Variants in BBS7 observed in about 807,000 individuals in gnomAD.
BBS7 encodes Bardet-Biedl syndrome 7, also known as BBSome complex member BBS7.
A neutral mutation model predicts 90.3 loss-of-function variants in BBS7; 50 were observed. The ratio of observed to expected loss-of-function variants is 0.55; its 90% CI spans 0.44 to 0.70. The LOEUF is 0.70. BBS7 is among the 30% of genes least tolerant of loss of function. The pLI, the probability that BBS7 is intolerant of heterozygous loss-of-function variation, is 0.00. For missense variants in BBS7, 729 were observed against 838.9 expected, an observed-to-expected ratio of 0.87 and a Z score of 1.62; for synonymous variants, 235 against 287.4, an observed-to-expected ratio of 0.82 and a Z score of 1.85.
intron 13 of BBS7, among the ~76,000 whole-genome samples, chr4:121,835,705 T>A (rs1234962357): frequency 2.0e-5 from 3 of 152,276 alleles, no homozygotes; most frequent in Non-Finnish European, 2.9e-5. Flanking sequence ...TAAACTTATA[T>A]TTTGGTGTTG....
Position 121,835,137 on chromosome 4 carries a change from G to A in BBS7, c.1511+7C>T. On this transcript the variant is annotated splice_region_variant and intron_variant, in intron 14 of 18. Transcript: ENST00000264499. ...CTAAAAAGAATTTGCTCTTTCCTTT[G>A]TCCTACCTGTCATGATCAATAAAGT... The A allele has an allele frequency of 1.9e-6, 3 of 1,613,554 alleles. No homozygotes were observed. The highest frequency in any genetic ancestry group is 2.5e-6 in the Non-Finnish European group (3 of 1,179,640).
chr4:121,848,662 A>G (rs1287256937), intron 9 of BBS7, among the ~76,000 whole-genome samples, 182 bp downstream of exon 9: 2 of 152,242 alleles, frequency 1.3e-5, no homozygotes, highest in Admixed American at 1.3e-4. Context: ...AATATAATAT[A>G]TATAGAGTTC....
chr4:121,870,422 G>A lies in BBS7; in HGVS notation c.-109C>T, dbSNP rs989340225. 3 of 1,290,714 alleles carry A rather than the reference G, an allele frequency of 2.3e-6. No homozygotes were observed. Among genetic ancestry groups the A allele is most frequent in the Non-Finnish European group, 2.2e-6 (2 of 899,266 alleles). 80.0% of individuals were successfully genotyped at this position (1,290,714 alleles called of 1,614,324 possible). A position where few individuals can be genotyped will look rare whatever the true frequency, so the allele number is the denominator to read the frequency against. On this transcript the variant is annotated 5_prime_UTR_variant, in exon 1 of 19. Coordinates refer to ENST00000264499, the MANE Select transcript of BBS7 (RefSeq NM_176824.3). ...AGAAGGCTGCCCGCGCCCCTCAAAA[G>A]CCAGCCCCAGCTACCGCGCCTAGGT...
At chr4:121,828,775 T>A (rs1279297250) in intron 15 of BBS7, 47 bp from the exon 16 acceptor site, 25 of 1,104,332 alleles carry the variant, frequency 2.3e-5, no homozygotes, top group Non-Finnish European at 3.3e-5. Flanking sequence ...AGAAGGAAAT[T>A]GTCCAGTACA....
intron 15 of BBS7, among the ~76,000 whole-genome samples, chr4:121,829,078 A>G (rs544794047): frequency 1.3e-5 from 2 of 152,284 alleles, no homozygotes; most frequent in East Asian, 1.9e-4. Context: ...GCTTACTTAC[A>G]TAAGTATGTT....
chr4:121,861,679 C>A lies in BBS7; in HGVS notation c.166G>T (p.Ala56Ser), dbSNP rs1407094427. The A allele has an allele frequency of 1.2e-6, 2 of 1,613,018 alleles. No individual in the cohort carries two copies. Among genetic ancestry groups the A allele is most frequent in the South Asian group, 2.2e-5 (2 of 91,042 alleles). ...CFGMKKGEAA[A>S]VFKTLPGPKI... ...GGCCCGGGTAAAGTCTTGAACACTGCCTGAAAAAAATCATTCAGGAAAAAA... is the reference window on the plus strand; with the variant it reads ...GGCCCGGGTAAAGTCTTGAACACTGACTGAAAAAAATCATTCAGGAAAAAA... Residue 56 changes from alanine to serine, a missense_variant and splice_region_variant, in exon 4 of 19, where the codon GCA becomes TCA. Coordinates refer to ENST00000264499, the MANE Select transcript of BBS7 (RefSeq NM_176824.3).
chr4:121,853,133 T>C (rs1171505839), intron 7 of BBS7, 47 bp from the exon 8 acceptor site: 2 of 1,591,102 alleles, frequency 1.3e-6, no homozygotes, highest in Non-Finnish European at 1.7e-6. Flanking sequence ...CTAATAGTTA[T>C]GGTCAAGTAT....
At chr4:121,866,394 C>G (rs1199005149) in intron 2 of BBS7, among the ~76,000 whole-genome samples, 1 of 151,982 alleles carries the variant, frequency 6.6e-6, no homozygotes, top group African/African-American at 2.4e-5. Flanking sequence ...TCCTGAGTAG[C>G]TGGGATTACA....
In BBS7 at chr4:121,855,511, TAA is replaced by T. The variant is rs753446756; in HGVS notation, c.577_578del (p.Leu193SerfsTer9). ...AVEVPGPPTV[L>X]ALHNGNGGDS... ...TACCGCCATTTCCATTGTGTAGTGC[TAA>T]GACAGTAGGGGGTCCAGGAACTTCA... On this transcript the variant is annotated frameshift_variant, in exon 6 of 19. Coordinates refer to ENST00000264499, the MANE Select transcript of BBS7 (RefSeq NM_176824.3). LOFTEE classifies it high-confidence loss of function. 6.2e-7 allele frequency: 1 copy of T among 1,613,718 alleles called. No individual in the cohort carries two copies. The highest frequency in any genetic ancestry group is 1.1e-5 in the South Asian group (1 of 91,076).
At position 121,870,329 on chromosome 4, in the gene BBS7, G is replaced by A; in HGVS notation, c.-16C>T. On this transcript the variant is annotated 5_prime_UTR_variant, in exon 1 of 19. Coordinates refer to ENST00000264499, the MANE Select transcript of BBS7 (RefSeq NM_176824.3). ...TCAGATCCATGATGACTACGCGGAG[G>A]GGCTAAGCAGCGCCGGACAAGAACA... 3.1e-6 allele frequency: 5 copies of A among 1,614,142 alleles called. No individual in the cohort carries two copies. The highest frequency in any genetic ancestry group is 4.2e-6 in the Non-Finnish European group (5 of 1,179,998).
intron 5 of BBS7, among the ~76,000 whole-genome samples, chr4:121,856,651 G>A (rs747540374): frequency 1.6e-4 from 24 of 151,860 alleles, no homozygotes; most frequent in African/African-American, 4.6e-4. Flanking sequence ...AGCAGAGGTC[G>A]CAGTGAGCCA....
At chr4:121,844,034 G>T in intron 11 of BBS7, 33 bp from the exon 12 acceptor site, 2 of 1,355,112 alleles carry the variant, frequency 1.5e-6, no homozygotes, top group Non-Finnish European at 2.1e-6. Context: ...AGAAGGTTGA[G>T]ATGGAAAACC....
At chr4:121,844,152 T>C (rs1254680459) in intron 11 of BBS7, 151 bp from the exon 12 acceptor site, 4 of 550,714 alleles carry the variant, frequency 7.3e-6, no homozygotes, top group Non-Finnish European at 9.6e-6. Flanking sequence ...CTTGATAGTA[T>C]ATACTTCCAG....
intron 11 of BBS7, among the ~76,000 whole-genome samples, chr4:121,844,794 G>A (rs1426401864): frequency 2.6e-5 from 4 of 152,114 alleles, no homozygotes; most frequent in African/African-American, 9.6e-5. Context: ...ACCAGAAACT[G>A]TTGGGTTAAT....
intron 7 of BBS7, among the ~76,000 whole-genome samples, 173 bp from the exon 8 acceptor site, chr4:121,853,259 T>G (rs1339470078): frequency 1.3e-5 from 2 of 152,214 alleles, no homozygotes; most frequent in Non-Finnish European, 2.9e-5. Flanking sequence ...TTTCCAGGTC[T>G]TTAAATATAA....
At chr4:121,867,255 C>T (rs1395294044) in intron 2 of BBS7, among the ~76,000 whole-genome samples, 1 of 151,952 alleles carries the variant, frequency 6.6e-6, no homozygotes, top group African/African-American at 2.4e-5. Flanking sequence ...CTACTAATTT[C>T]AGTATATTAA....
intron 8 of BBS7, among the ~76,000 whole-genome samples, chr4:121,850,771 A>G (rs1726274917): frequency 1.3e-5 from 2 of 152,184 alleles, no homozygotes; most frequent in South Asian, 4.1e-4. Context: ...AGGAAGGGAC[A>G]CTAGCATTAA....
chr4:121,870,242 G>T, intron 1 of BBS7, 36 bp downstream of exon 1: 1 of 1,613,620 alleles, frequency 6.2e-7, no homozygotes, highest in South Asian at 1.1e-5. Flanking sequence ...TGCTGGGCTT[G>T]CCCAGCGCGG....
intron 12 of BBS7, among the ~76,000 whole-genome samples, chr4:121,843,452 A>C (rs1378845351): frequency 6.6e-6 from 1 of 152,174 alleles, no homozygotes; most frequent in Non-Finnish European, 1.5e-5. Context: ...AAAGCCATGG[A>C]GGTAGAACTG....
Sources: allele counts gnomAD v4.1 joint callset (sites outside exome capture counted in the v4.1 genomes callset), GRCh38; gene constraint gnomAD v4.1.1; transcripts MANE v1.5; gene names NCBI Gene and HGNC (gene_info 2026-07-23, HGNC 2026-07-21).